Variants in TSPEAR observed in about 807,000 individuals in gnomAD.
The protein encoded by TSPEAR is thrombospondin type laminin G domain and EAR repeats.
TSPEAR carries 69 observed loss-of-function variants against 71.6 expected under a neutral mutation model. That is an observed-to-expected ratio of 0.96 (90% CI 0.79 to 1.18). The LOEUF is 1.18. TSPEAR is among the 50% of genes most tolerant of loss of function. TSPEAR has a pLI of 0.00. For synonymous variants in TSPEAR, 402 were observed against 387.2 expected (o/e 1.04, Z -0.45); for missense variants, 971 against 894.9 (o/e 1.09, Z -1.09).
chr21:44,557,747 T>G (rs2146046505), intron 2 of TSPEAR: 2 of 431,522 alleles, frequency 4.6e-6, no homozygotes, highest in East Asian at 7.9e-5. Context: ...CACGTTGAAG[T>G]TCTTCCCACA....
intron 9 of TSPEAR, chr21:44,518,362 G>T (rs587759878): frequency 2.2e-6 from 1 of 449,400 alleles, no homozygotes; most frequent in South Asian, 1.7e-5. Context: ...GGCATCTTGA[G>T]CACCTTGGTG....
rs140277038 is a variant in TSPEAR, at chr21:44,527,075, G to A, written c.1149+217C>T. Among the ~76,000 whole-genome samples the A allele has an allele frequency of 9.4e-3, 1,438 of 152,292 alleles. 22 individuals are homozygous for A. Among genetic ancestry groups the A allele is most frequent in the African/African-American group, 0.033 (1,380 of 41,552 alleles). ...ATGGCATGTGGGAAATGGTCTGGTCGTCCGTTTTGCGGGAGCCAAGCAGAC... is the reference window on the plus strand; with the variant it reads ...ATGGCATGTGGGAAATGGTCTGGTCATCCGTTTTGCGGGAGCCAAGCAGAC... On this transcript the variant is annotated intron_variant, in intron 7 of 11. Transcript: ENST00000323084.
intron 2 of TSPEAR, among the ~76,000 whole-genome samples, chr21:44,554,677 G>A (rs934298046): frequency 6.6e-6 from 1 of 152,252 alleles, no homozygotes; most frequent in South Asian, 2.1e-4. Flanking sequence ...GCTCTTGAGT[G>A]CTTGAAATGT....
At chr21:44,558,781 G>A (rs1282673233) in intron 2 of TSPEAR, 7 of 1,536,190 alleles carry the variant, frequency 4.6e-6, no homozygotes, top group Non-Finnish European at 5.3e-6. Context: ...GAGTGAGGGA[G>A]TGAGTGAGTG....
chr21:44,612,199 C>T lies in TSPEAR; in HGVS notation c.83-44194G>A, dbSNP rs1555931137. ...GCCATGTCAGCCGAGTCTCCTCCCC[C>T]AGCACCTGCACTGGCTCCTCCTGGC... is the stretch of plus-strand genomic sequence containing the variant. On this transcript the variant is annotated intron_variant, in intron 1 of 11. Transcript: ENST00000323084. The surrounding 1 kb of genome is among the most constrained non-coding windows in gnomAD (Gnocchi z 4.1). The T allele has an allele frequency of 6.2e-7, 1 of 1,614,030 alleles. No individual in the cohort carries two copies. Among genetic ancestry groups the T allele is most frequent in the East Asian group, 2.2e-5 (1 of 44,884 alleles).
intron 2 of TSPEAR, chr21:44,551,146 A>G: frequency 1.3e-6 from 2 of 1,559,792 alleles, no homozygotes; most frequent in Non-Finnish European, 1.8e-6. Flanking sequence ...ACAGGCTTGC[A>G]GCAGACGGGC....
chr21:44,668,229 C>T (rs587744810), intron 1 of TSPEAR, among the ~76,000 whole-genome samples: 1 of 152,138 alleles, frequency 6.6e-6, no homozygotes, highest in South Asian at 2.1e-4. Context: ...AAGCAAAACA[C>T]AAAAATCAGT....
chr21:44,689,298 C>T (rs1024652076), intron 1 of TSPEAR, among the ~76,000 whole-genome samples: 5 of 151,992 alleles, frequency 3.3e-5, no homozygotes, highest in Non-Finnish European at 4.4e-5. Flanking sequence ...GTCAGGAGAT[C>T]GAGACCATCC....
intron 1 of TSPEAR, chr21:44,628,204 CT>C: frequency 1.2e-6 from 1 of 836,914 alleles, no homozygotes; most frequent in Middle Eastern, 3.7e-4. Flanking sequence ...TCACTGGCTC[CT>C]CCCTGACCTC....
chr21:44,698,465 G>A (rs541510054), intron 1 of TSPEAR, among the ~76,000 whole-genome samples: 17 of 152,304 alleles, frequency 1.1e-4, no homozygotes, highest in South Asian at 2.1e-4. Flanking sequence ...GAGGGTCAAC[G>A]GAGCGGCCGT....
intron 1 of TSPEAR, among the ~76,000 whole-genome samples, chr21:44,587,186 C>T (rs1239535086): frequency 1.3e-5 from 2 of 152,204 alleles, no homozygotes; most frequent in Non-Finnish European, 2.9e-5. Flanking sequence ...AAGAATTCAG[C>T]AAAGTTTCCA....
At chr21:44,643,534 A>G (rs1229137532) in intron 1 of TSPEAR, among the ~76,000 whole-genome samples, 3 of 152,206 alleles carry the variant, frequency 2.0e-5, no homozygotes, top group African/African-American at 4.8e-5. Context: ...AATTTATATA[A>G]TTCTTGTTTG....
intron 1 of TSPEAR, chr21:44,627,230 A>G (rs1555934563): frequency 1.2e-6 from 2 of 1,612,680 alleles, no homozygotes; most frequent in South Asian, 2.2e-5. Context: ...TGGCAGGTGG[A>G]CGACTGCCCA....
intron 1 of TSPEAR, among the ~76,000 whole-genome samples, chr21:44,640,227 A>G (rs1271175352): frequency 6.6e-6 from 1 of 152,240 alleles, no homozygotes; most frequent in African/African-American, 2.4e-5. Flanking sequence ...TTCAGCCATG[A>G]AAAGGGATCA....
At chr21:44,627,992 CT>C (rs1377949480) in intron 1 of TSPEAR, 1 of 1,611,212 alleles carries the variant, frequency 6.2e-7, no homozygotes, top group African/African-American at 1.3e-5. Flanking sequence ...CTCTGCCGCC[CT>C]GTGTGCTCCC....
rs1569264413 is a variant in TSPEAR at position 44,695,784 on chromosome 21, G to A, written c.82+15649C>T. Among the ~76,000 whole-genome samples, 1 of 152,054 alleles carries A rather than the reference G, an allele frequency of 6.6e-6. No individual in the cohort carries two copies. The highest frequency in any genetic ancestry group is 1.5e-5 in the Non-Finnish European group (1 of 68,024). ...CACCAGGGTTTCATCTCATCACAGG[G>A]TAATGTTTACAACGCAGAGACCAGC... On this transcript the variant is annotated intron_variant, in intron 1 of 11. Transcript: ENST00000323084. This position sits in a 1 kb window ranked among gnomAD's most constrained non-coding sequence, Gnocchi z 4.5.
rs138737945 is a variant in TSPEAR at position 44,533,833 on chromosome 21, A to G, written c.394T>C (p.Phe132Leu). The change falls in exon 3 of 12, where the codon TTC (phenylalanine) becomes CTC (leucine). Residue 132 changes from phenylalanine (F) to leucine (L), a missense_variant. Transcript: ENST00000323084. Reference protein sequence around the residue: ...RLSPAQLHFLFLREDTAGAWQ... With the variant: ...RLSPAQLHFLLLREDTAGAWQ... The stretch of plus-strand genomic sequence containing the variant: ...GCGCCGGCCGTGTCCTCGCGAAGGA[A>G]CAGGAAGTGCAGCTGGGCAGGTGAC... The G allele has an allele frequency of 1.7e-5, 27 of 1,612,326 alleles. No individual in the cohort carries two copies. Among genetic ancestry groups the G allele is most frequent in the Non-Finnish European group, 2.0e-5 (24 of 1,179,876 alleles).
chr21:44,499,974 T>C (rs1601308865), intron 11 of TSPEAR, 38 bp from the exon 12 acceptor site: 1 of 1,562,824 alleles, frequency 6.4e-7, no homozygotes, highest in Non-Finnish European at 8.6e-7. Context: ...CAGCCTGGGC[T>C]CTGCGGGGCA....
intron 1 of TSPEAR, among the ~76,000 whole-genome samples, chr21:44,693,609 A>G (rs914569551): frequency 6.6e-6 from 1 of 152,024 alleles, no homozygotes; most frequent in Non-Finnish European, 1.5e-5. Context: ...AATCAAAACC[A>G]CAATGAATGC....
Sources: allele counts gnomAD v4.1 joint callset (sites outside exome capture counted in the v4.1 genomes callset), GRCh38; gene constraint gnomAD v4.1.1; non-coding constraint Gnocchi (gnomAD v3.1); transcripts MANE v1.5; gene names NCBI Gene and HGNC (gene_info 2026-07-23, HGNC 2026-07-21).